ZFR: variants seen among roughly 807,000 people sequenced by gnomAD.
The protein encoded by ZFR is zinc finger RNA binding protein, also known as zinc finger RNA-binding protein.
A neutral mutation model predicts 130.7 loss-of-function variants in ZFR; 19 were observed. The observed-to-expected ratio is 0.15, with a 90% CI of 0.10 to 0.21. ZFR has a LOEUF of 0.21. ZFR is among the 10% of genes least tolerant of loss of function. ZFR has a pLI of 1.00. For missense variants in ZFR, 872 were observed against 1,321.5 expected (o/e 0.66, Z 5.27); for synonymous variants, 466 against 456.9 (o/e 1.02, Z -0.25).
At chr5:32,402,381 G>A (rs2111772744) in intron 8 of ZFR, among the ~76,000 whole-genome samples, 1 of 152,254 alleles carries the variant, frequency 6.6e-6, no homozygotes, top group South Asian at 2.1e-4. Flanking sequence ...TTGGCAATTA[G>A]GTCTTTGGTG....
At chr5:32,443,628 C>T (rs1231062674) in intron 2 of ZFR, among the ~76,000 whole-genome samples, 1 of 152,276 alleles carries the variant, frequency 6.6e-6, no homozygotes, top group Non-Finnish European at 1.5e-5. Flanking sequence ...CAGTGACACC[C>T]GCAGTTTGTC....
At chr5:32,410,078 G>A (rs1469105) in intron 5 of ZFR, among the ~76,000 whole-genome samples, 1 of 151,990 alleles carries the variant, frequency 6.6e-6, no homozygotes, top group Non-Finnish European at 1.5e-5. Flanking sequence ...GGTCAGGCTC[G>A]TGGAACACTT....
At chr5:32,383,536 ACAATGTAAT>A (rs1215743392) in intron 15 of ZFR, among the ~76,000 whole-genome samples, 1 of 152,200 alleles carries the variant, frequency 6.6e-6, no homozygotes, top group Non-Finnish European at 1.5e-5. Flanking sequence ...AGTTATTTGG[ACAATGTAAT>A]CATTTCCTTT....
intron 2 of ZFR, among the ~76,000 whole-genome samples, chr5:32,428,043 T>A (rs1191673522): frequency 1.3e-5 from 2 of 152,172 alleles, no homozygotes; most frequent in Non-Finnish European, 2.9e-5. Context: ...AAAAGCTTCA[T>A]GACATGAAAT....
intron 15 of ZFR, among the ~76,000 whole-genome samples, chr5:32,383,291 G>C (rs559832929): frequency 6.6e-6 from 1 of 152,144 alleles, no homozygotes; most frequent in Admixed American, 6.5e-5. Context: ...AAATCCTTCC[G>C]ATGTCTTGGC....
In ZFR at chr5:32,354,379, A is replaced by G. The variant is rs1426687202; in HGVS notation, c.*1381T>C. 1.3e-5 allele frequency: 2 copies of G among 152,666 alleles called. No individual in the cohort carries two copies. The highest frequency in any genetic ancestry group is 6.5e-5 in the Admixed American group (1 of 15,286). 9.5% of individuals were successfully genotyped at this position (152,666 alleles called of 1,614,324 possible). ...TTTGAATATGATTTTACTGAAGCAT[A>G]CATCATTTCAAAGCAAAAGTAGTTT... On this transcript the variant is annotated 3_prime_UTR_variant, in exon 20 of 20. Transcript: ENST00000265069.
chr5:32,417,498 C>A, intron 4 of ZFR, 150 bp downstream of exon 4: 1 of 867,484 alleles, frequency 1.2e-6, no homozygotes, highest in South Asian at 1.8e-5. Context: ...AATTGTGACT[C>A]CAAGGCATTT....
intron 15 of ZFR, among the ~76,000 whole-genome samples, chr5:32,382,389 C>G (rs1475596125): frequency 3.3e-5 from 5 of 152,130 alleles, no homozygotes; most frequent in Admixed American, 6.5e-5. Context: ...TTATAACATG[C>G]TAAAGAACCT....
chr5:32,421,875 G>C (rs1235024245), intron 2 of ZFR, among the ~76,000 whole-genome samples: 1 of 152,034 alleles, frequency 6.6e-6, no homozygotes, highest in Non-Finnish European at 1.5e-5. Flanking sequence ...AAACTTGTTT[G>C]GGAATAACAT....
intron 10 of ZFR, among the ~76,000 whole-genome samples, chr5:32,396,323 T>C (rs776050370): frequency 2.6e-5 from 4 of 152,164 alleles, no homozygotes; most frequent in African/African-American, 7.2e-5. Flanking sequence ...TAAATGTCTA[T>C]GTTGGGGTTA....
chr5:32,375,847 G>GT (rs776220828), intron 17 of ZFR, among the ~76,000 whole-genome samples: 3,581 of 140,782 alleles, frequency 0.025, 87 homozygotes, highest in African/African-American at 0.073. Flanking sequence ...TTTTAAATTA[G>GT]TTTTTTTTTT....
chr5:32,372,368 C>T (rs1048609281), intron 17 of ZFR, among the ~76,000 whole-genome samples: 3 of 152,008 alleles, frequency 2.0e-5, no homozygotes, highest in Non-Finnish European at 2.9e-5. Flanking sequence ...ACTCTAGTGT[C>T]GGGGAGGCTG....
At chr5:32,397,663 T>A (rs10056897) in intron 9 of ZFR, among the ~76,000 whole-genome samples, 1 of 151,816 alleles carries the variant, frequency 6.6e-6, no homozygotes, top group East Asian at 1.9e-4. Flanking sequence ...GGTTTCACCA[T>A]GTTGGCCAGG....
chr5:32,422,079 T>C (rs1006881596), intron 2 of ZFR, among the ~76,000 whole-genome samples: 9 of 152,196 alleles, frequency 5.9e-5, no homozygotes, highest in Admixed American at 4.6e-4. Context: ...ATTTTGGTTA[T>C]ATAAAAGACT....
chr5:32,416,488 C>G (rs1753828556), intron 4 of ZFR, among the ~76,000 whole-genome samples: 1 of 152,046 alleles, frequency 6.6e-6, no homozygotes, highest in African/African-American at 2.4e-5. Flanking sequence ...GTGGCGCATG[C>G]CTGTAATCCC....
At chr5:32,356,045 G>C in intron 19 of ZFR, 106 bp from the exon 20 acceptor site, 1 of 820,316 alleles carries the variant, frequency 1.2e-6, no homozygotes, top group Non-Finnish European at 1.8e-6. Flanking sequence ...CATGTGTAAT[G>C]AAAGAAACAT....
At chr5:32,427,249 G>T (rs112809197) in intron 2 of ZFR, among the ~76,000 whole-genome samples, 1 of 151,714 alleles carries the variant, frequency 6.6e-6, no homozygotes, top group African/African-American at 2.4e-5. Context: ...AACAATTAGT[G>T]GCGCATGATG....
chr5:32,410,211 G>A (rs1753671997), intron 5 of ZFR, among the ~76,000 whole-genome samples: 1 of 148,856 alleles, frequency 6.7e-6, no homozygotes, highest in African/African-American at 2.5e-5. Flanking sequence ...GAGCGCAGAA[G>A]GTGGAGGTTG....
At chr5:32,356,823 A>G (rs1581672921) in intron 19 of ZFR, among the ~76,000 whole-genome samples, 1 of 152,182 alleles carries the variant, frequency 6.6e-6, no homozygotes, top group East Asian at 1.9e-4. Flanking sequence ...AATCAGTGGG[A>G]CCGCTGAACA....
Sources: allele counts gnomAD v4.1 joint callset (sites outside exome capture counted in the v4.1 genomes callset), GRCh38; gene constraint gnomAD v4.1.1; transcripts MANE v1.5; gene names NCBI Gene and HGNC (gene_info 2026-07-23, HGNC 2026-07-21).